The following LINGO1 variants were observed in gnomAD, a reference collection of about 807,000 sequenced individuals.
The protein encoded by LINGO1 is leucine-rich repeat and immunoglobulin-like domain-containing nogo receptor-interacting protein 1.
A neutral mutation model predicts 37.3 loss-of-function variants in LINGO1; 11 were observed. That is an observed-to-expected ratio of 0.29 (90% CI 0.19 to 0.49). LINGO1 has a LOEUF of 0.49. Among genes scored for constraint, LINGO1 ranks in the 20% least tolerant of loss-of-function variants. The pLI, the probability that LINGO1 is intolerant of heterozygous loss-of-function variation, is 0.99. For synonymous variants in LINGO1, 387 were observed against 403.0 expected, an observed-to-expected ratio of 0.96 and a Z score of 0.48; for missense variants, 585 against 878.2, an observed-to-expected ratio of 0.67 and a Z score of 4.22.
chr15:77,741,028 A>T (rs887871591), intron 1 of LINGO1, among the ~76,000 whole-genome samples: 6 of 152,170 alleles, frequency 3.9e-5, no homozygotes, highest in African/African-American at 1.4e-4. Flanking sequence ...AAAAGAGCTC[A>T]CACACCAGGA....
chr15:77,726,060 T>C (rs2076099066), intron 2 of LINGO1, among the ~76,000 whole-genome samples: 1 of 152,206 alleles, frequency 6.6e-6, no homozygotes, highest in Non-Finnish European at 1.5e-5. Context: ...CTGGCAAATG[T>C]GGGACTCAGC....
At position 77,743,835 on chromosome 15, in the gene LINGO1, T is replaced by TCCCACC. The variant is rs2076288200; in HGVS notation, c.-256-8783_-256-8782insGGTGGG. Among the ~76,000 whole-genome samples, 3 of 152,128 alleles carry TCCCACC rather than the reference T, an allele frequency of 2.0e-5. 1 individual carries two copies. In the South Asian group the frequency reaches 6.2e-4, roughly 32 times the overall value. ...CCAGACTGCGGGGGTGGGGGAGTCC[T>TCCCACC]CCCAATCTGGAACAGAAGATGGAGG... On this transcript the variant is annotated intron_variant, in intron 1 of 3. Transcript: ENST00000561686.
At chr15:77,708,213 T>C (rs1347114771) in intron 2 of LINGO1, among the ~76,000 whole-genome samples, 1 of 152,114 alleles carries the variant, frequency 6.6e-6, no homozygotes, top group Non-Finnish European at 1.5e-5. Flanking sequence ...TTTCCACATA[T>C]AAAAGGCAAG....
chr15:77,663,213 G>A (rs1387232906), intron 3 of LINGO1, among the ~76,000 whole-genome samples: 1 of 152,246 alleles, frequency 6.6e-6, no homozygotes, highest in Non-Finnish European at 1.5e-5. Context: ...AAGCAGAGAT[G>A]TGCTGGGTCA....
At chr15:77,776,554 G>GGCAGGAATGCAGGAAGGCAGGAAAGC (rs2076656397) in intron 1 of LINGO1, among the ~76,000 whole-genome samples, 1 of 57,608 alleles carries the variant, frequency 1.7e-5, no homozygotes. Context: ...GGGAGGGAGG[G>GGCAGGAATGCAGGAAGGCAGGAAAGC]AGGGAGCTGA....
Position 77,735,605 on chromosome 15 carries a change from C to A in LINGO1, c.-256-552G>T, listed in dbSNP as rs377456422. On this transcript the variant is annotated intron_variant, in intron 1 of 3. Coordinates refer to the LINGO1 transcript ENST00000561686. ...TAACTGTGCCTCCCATCAGTACAGG[C>A]AGGTGCAGCAGAGTTGCTGGGACTT... Among the ~76,000 whole-genome samples, 6 of 152,220 alleles carry A rather than the reference C, an allele frequency of 3.9e-5. No individual in the cohort carries two copies. In the East Asian group the frequency reaches 5.8e-4, roughly 15 times the overall value.
At chr15:77,700,354 G>A (rs2075766419), upstream of LINGO1, among the ~76,000 whole-genome samples, 1 of 152,234 alleles carries the variant, frequency 6.6e-6, no homozygotes, top group South Asian at 2.1e-4. Context: ...AGATTTCACA[G>A]AGGTGGCAGC....
chr15:77,692,751 T>G (rs912771120), intron 1 of LINGO1, among the ~76,000 whole-genome samples: 6 of 152,178 alleles, frequency 3.9e-5, no homozygotes, highest in Non-Finnish European at 8.8e-5. Flanking sequence ...AAACACCTCC[T>G]GGCTCCCTCC....
rs2073674251 is a variant in LINGO1, at chr15:77,615,453, C to T, written c.454G>A (p.Glu152Lys). The T allele has an allele frequency of 1.9e-6, 3 of 1,613,918 alleles. No individual in the cohort carries two copies. The highest frequency in any genetic ancestry group is 1.3e-5 in the African/African-American group (1 of 74,944). ...LSNLTKLDIS[E>K]NKIVILLDYM... is the part of the protein sequence containing the mutation. ...TCCAGTAGGATAACGATCTTGTTCT[C>T]GCTGATGTCCAGCTTGGTCAGGTTG... Residue 152 changes from glutamate to lysine, a missense_variant, in exon 2 of 2, where the codon GAG (glutamate) becomes AAG (lysine). By Grantham distance (56) the Glu-to-Lys change is moderately conservative (BLOSUM62 1). Coordinates refer to ENST00000355300, the MANE Select transcript of LINGO1 (RefSeq NM_032808.7).
chr15:77,636,072 G>T (rs2074390508), upstream of LINGO1, among the ~76,000 whole-genome samples: 1 of 152,238 alleles, frequency 6.6e-6, no homozygotes, highest in Admixed American at 6.5e-5. Context: ...TGTTCCTACT[G>T]TACAGATGAG....
intron 2 of LINGO1, among the ~76,000 whole-genome samples, chr15:77,710,712 A>G (rs1325558164): frequency 1.3e-5 from 2 of 152,236 alleles, no homozygotes; most frequent in African/African-American, 2.4e-5. Context: ...AACACCTCAC[A>G]CAGCCCACCT....
At chr15:77,758,937 C>G (rs2076447602) in intron 1 of LINGO1, among the ~76,000 whole-genome samples, 1 of 152,114 alleles carries the variant, frequency 6.6e-6, no homozygotes, top group Non-Finnish European at 1.5e-5. Flanking sequence ...CTGGGCCTGT[C>G]TGAGGTGTTC....
At chr15:77,779,172 T>C (rs2076690847) in intron 1 of LINGO1, among the ~76,000 whole-genome samples, 1 of 152,066 alleles carries the variant, frequency 6.6e-6, no homozygotes, top group South Asian at 2.1e-4. Flanking sequence ...GACATTTCCT[T>C]TCCCCACTTC....
chr15:77,756,256 G>A (rs1263753884), intron 1 of LINGO1, among the ~76,000 whole-genome samples: 1 of 152,130 alleles, frequency 6.6e-6, no homozygotes, highest in Non-Finnish European at 1.5e-5. Context: ...TGTGGACAAT[G>A]CTTTACAGTT....
At position 77,695,535 on chromosome 15, in the gene LINGO1, G is replaced by A. The variant is rs79111344; in HGVS notation, c.-281+856C>T. Among the ~76,000 whole-genome samples the A allele has an allele frequency of 3.4e-3, 515 of 152,328 alleles. 5 individuals carry two copies. Among genetic ancestry groups the A allele is most frequent in the African/African-American group, 0.012 (499 of 41,594 alleles). On this transcript the variant is annotated intron_variant, in intron 1 of 3. Transcript: ENST00000559893. ...ATCCCCAGATGCCCAGGCCCAAGGA[G>A]CCCCCAATCATTGAGAGTGCTCCCC...
intron 3 of LINGO1, among the ~76,000 whole-genome samples, chr15:77,665,201 G>C (rs1459185192): frequency 6.6e-6 from 1 of 152,220 alleles, no homozygotes; most frequent in Non-Finnish European, 1.5e-5. Flanking sequence ...CCAGAGGCAA[G>C]CCCTCTCCTC....
In LINGO1 at chr15:77,644,127, G is replaced by A. The variant is rs1224553971; in HGVS notation, c.-12-28227C>T. Reference sequence around the variant, plus strand: ...TGCTTTGCGAATGTATCTACGCTGGGGAGTTTAGGAAGGATACGTAGCTGT... The same window carrying A: ...TGCTTTGCGAATGTATCTACGCTGGAGAGTTTAGGAAGGATACGTAGCTGT... On this transcript the variant is annotated intron_variant, in intron 3 of 3. Transcript: ENST00000559893. Among the ~76,000 whole-genome samples, 6 of 152,244 alleles carry A rather than the reference G, an allele frequency of 3.9e-5. 1 individual carries two copies. Among genetic ancestry groups the A allele is most frequent in the Admixed American group, 3.9e-4 (6 of 15,292 alleles).
intron 2 of LINGO1, among the ~76,000 whole-genome samples, chr15:77,703,087 G>A (rs1343088907): frequency 6.6e-6 from 1 of 152,206 alleles, no homozygotes; most frequent in Non-Finnish European, 1.5e-5. Context: ...TCCCCCAGCT[G>A]TGAAGCAAAC....
intron 1 of LINGO1, among the ~76,000 whole-genome samples, chr15:77,781,860 G>GC (rs1166051392): frequency 6.6e-6 from 1 of 152,202 alleles, no homozygotes; most frequent in Non-Finnish European, 1.5e-5. Flanking sequence ...AGGGCCCCCG[G>GC]CCAGAGCTGC....
Sources: gnomAD v4.1 joint callset for allele counts (sites outside exome capture counted in the v4.1 genomes callset) on GRCh38, gnomAD v4.1.1 for gene constraint, MANE v1.5 for transcripts, NCBI Gene and HGNC (gene_info 2026-07-23, HGNC 2026-07-21) for gene names.